ZNF93: variants seen among roughly 807,000 people sequenced by gnomAD.
The protein encoded by ZNF93 is zinc finger protein 93, also known as zinc finger protein 505.
A neutral mutation model predicts 45.0 loss-of-function variants in ZNF93; 29 were observed. The ratio of observed to expected loss-of-function variants is 0.64; its 90% CI spans 0.48 to 0.88. The LOEUF (loss-of-function observed/expected upper bound fraction) is 0.88, where lower values mean the gene tolerates loss of function less well. Ranked by LOEUF, ZNF93 falls within the 40% of genes least tolerant of loss-of-function variation. The pLI is 0.00. For missense variants in ZNF93, 578 were observed against 724.0 expected, an observed-to-expected ratio of 0.80 and a Z score of 2.31; for synonymous variants, 223 against 244.6, an observed-to-expected ratio of 0.91 and a Z score of 0.82.
chr19:19,917,798 GA>G (rs2063328868), intron 3 of ZNF93, among the ~76,000 whole-genome samples: 1 of 152,104 alleles, frequency 6.6e-6, no homozygotes, highest in African/African-American at 2.4e-5. Flanking sequence ...TTACAGGCAT[GA>G]GCCACCACGC....
At chr19:19,922,374 T>C (rs1486821653) in intron 3 of ZNF93, among the ~76,000 whole-genome samples, 1 of 151,478 alleles carries the variant, frequency 6.6e-6, no homozygotes, top group East Asian at 1.9e-4. Context: ...GCTGCCCTTT[T>C]TTCCTTCATT....
At chr19:19,921,611 A>G (rs1274028671) in intron 3 of ZNF93, among the ~76,000 whole-genome samples, 7 of 152,132 alleles carry the variant, frequency 4.6e-5, no homozygotes, top group South Asian at 2.1e-4. Context: ...GACTTGCTTT[A>G]TGAATCTGGG....
At chr19:19,913,902 CGT>C (rs1181886468) in intron 1 of ZNF93, among the ~76,000 whole-genome samples, 14 of 152,198 alleles carry the variant, frequency 9.2e-5, no homozygotes, top group African/African-American at 3.4e-4. Context: ...GACTGCCATG[CGT>C]TTAGTACTCA....
chr19:19,904,867 A>G (rs1411652687), intron 1 of ZNF93, among the ~76,000 whole-genome samples: 1 of 152,126 alleles, frequency 6.6e-6, no homozygotes, highest in Non-Finnish European at 1.5e-5. Context: ...CAGGATTCCC[A>G]CCCACTCACA....
chr19:19,927,171 G>C, intron 3 of ZNF93: 1 of 398,500 alleles, frequency 2.5e-6, no homozygotes, highest in South Asian at 1.3e-4. Flanking sequence ...CAAGCCAAGA[G>C]GATCCCTGGA....
intron 1 of ZNF93, among the ~76,000 whole-genome samples, chr19:19,901,730 C>T (rs774459661): frequency 2.6e-5 from 4 of 152,098 alleles, no homozygotes; most frequent in Non-Finnish European, 4.4e-5. Flanking sequence ...CCAGGATCAG[C>T]TTAGATTGTG....
At chr19:19,901,239 G>T (rs2063269671) in intron 1 of ZNF93, 148 bp downstream of exon 1, 2 of 1,329,442 alleles carry the variant, frequency 1.5e-6, no homozygotes, top group East Asian at 2.4e-5. Context: ...GTTCCCTTCA[G>T]CCATAAGATG....
At chr19:19,927,347 G>C (rs527509767) in intron 3 of ZNF93, 1 of 396,758 alleles carries the variant, frequency 2.5e-6, no homozygotes, top group East Asian at 3.6e-5. Flanking sequence ...GACAGAGTGA[G>C]ACCCTATCTC....
At chr19:19,931,288 C>A (rs1334713227) in intron 3 of ZNF93, among the ~76,000 whole-genome samples, 12 of 151,836 alleles carry the variant, frequency 7.9e-5, no homozygotes, top group Admixed American at 7.9e-4. Context: ...CTCCCAGTTT[C>A]AAGTGATTCT....
At chr19:19,923,269 G>C (rs2063346769) in intron 3 of ZNF93, among the ~76,000 whole-genome samples, 1 of 152,166 alleles carries the variant, frequency 6.6e-6, no homozygotes, top group South Asian at 2.1e-4. Flanking sequence ...AACAGCAAAT[G>C]TTGCTGCTCC....
At chr19:19,929,666 T>C (rs7258260) in intron 3 of ZNF93, among the ~76,000 whole-genome samples, 66,056 of 151,868 alleles carry the variant, frequency 0.43, 19,323 homozygotes, top group African/African-American at 0.82. Context: ...GGGCCGGGCG[T>C]GGTGGCTCAC....
chr19:19,917,117 A>C (rs765683475), intron 3 of ZNF93, among the ~76,000 whole-genome samples: 1 of 151,972 alleles, frequency 6.6e-6, no homozygotes, highest in Non-Finnish European at 1.5e-5. Context: ...ATTACTACAT[A>C]GTTTTTAAGT....
intron 1 of ZNF93, among the ~76,000 whole-genome samples, chr19:19,904,410 TTCTGTGAGTAGC>T (rs1156703180): frequency 6.6e-6 from 1 of 152,180 alleles, no homozygotes; most frequent in African/African-American, 2.4e-5. Context: ...TTTTGCTGAG[TTCTGTGAGTAGC>T]TCTACCAAAT....
intron 3 of ZNF93, 52 bp downstream of exon 3, chr19:19,916,707 G>A (rs2063325381): frequency 1.5e-6 from 2 of 1,359,804 alleles, no homozygotes; most frequent in Non-Finnish European, 2.0e-6. Flanking sequence ...GAGGTCCCAA[G>A]GCCAAAGAGA....
At chr19:19,912,675 C>T (rs2063312649) in intron 1 of ZNF93, among the ~76,000 whole-genome samples, 1 of 152,006 alleles carries the variant, frequency 6.6e-6, no homozygotes, top group African/African-American at 2.4e-5. Flanking sequence ...TTTCATCTGT[C>T]TATATTTAGC....
intron 1 of ZNF93, among the ~76,000 whole-genome samples, chr19:19,910,651 T>C (rs929735169): frequency 5.2e-5 from 3 of 57,736 alleles, no homozygotes; most frequent in East Asian, 1.5e-3. Flanking sequence ...TTCTTTCAGC[T>C]TTTTTTTTTT....
chr19:19,925,806 G>A (rs7254125), intron 3 of ZNF93, among the ~76,000 whole-genome samples: 42,669 of 151,934 alleles, frequency 0.28, 11,956 homozygotes, highest in African/African-American at 0.72. Context: ...TGCAAAATAT[G>A]TATTTTCTTT....
Position 19,934,559 on chromosome 19 carries a change from A to G in ZNF93, c.1604A>G (p.Lys535Arg), listed in dbSNP as rs1340430170. ...IKHKKIHTRE[K>R]PYKCEECGKA... is the part of the protein sequence containing the mutation. ...CATAAGAAAATTCATACTAGAGAGA[A>G]ACCCTACAAATGTGAAGAATGTGGC... Residue 535 changes from lysine to arginine, a missense_variant, in exon 4 of 4, where the codon AAA becomes AGA. Physicochemically the swap from Lys to Arg is conservative, Grantham distance 26. This residue lies in a region of ZNF93 where 119 missense variants were observed against 123.1 expected (regional missense o/e 0.97). Transcript: ENST00000343769. The G allele has an allele frequency of 6.2e-7, 1 of 1,613,678 alleles. No individual in the cohort carries two copies. Among genetic ancestry groups the G allele is most frequent in the East Asian group, 2.2e-5 (1 of 44,858 alleles).
intron 3 of ZNF93, among the ~76,000 whole-genome samples, chr19:19,922,234 T>C (rs1287157243): frequency 2.0e-5 from 3 of 152,232 alleles, no homozygotes; most frequent in African/African-American, 7.2e-5. Flanking sequence ...AAATTCTGGG[T>C]TAAAAATTCT....
Sources: gnomAD v4.1 joint callset for allele counts (sites outside exome capture counted in the v4.1 genomes callset) on GRCh38, gnomAD v4.1.1 for gene constraint, gnomAD v4.1.1 regional missense constraint, MANE v1.5 for transcripts, NCBI Gene and HGNC (gene_info 2026-07-23, HGNC 2026-07-21) for gene names.